Variants in RNMT observed in about 807,000 individuals in gnomAD.
RNMT encodes the protein RNA guanine-7 methyltransferase.
In RNMT, 27 loss-of-function variants were observed where a neutral mutation model predicts 56.0. The ratio of observed to expected loss-of-function variants is 0.48; its 90% CI spans 0.36 to 0.67. The LOEUF (loss-of-function observed/expected upper bound fraction) is 0.67, where lower values mean the gene tolerates loss of function less well. Ranked by LOEUF, RNMT falls within the 30% of genes least tolerant of loss-of-function variation. The pLI is 0.00. For missense variants in RNMT, 519 were observed against 552.1 expected (o/e 0.94, Z 0.60); for synonymous variants, 184 against 176.2 (o/e 1.04, Z -0.35).
In RNMT at chr18:13,760,892, CG is replaced by C. The variant is rs1272061749; in HGVS notation, c.*914del. The C allele has an allele frequency of 1.0e-6, 1 of 985,274 alleles. No individual in the cohort carries two copies. Among genetic ancestry groups the C allele is most frequent in the Admixed American group, 6.2e-5 (1 of 16,250 alleles). The allele number at this position is 985,274 out of a possible 1,614,324, so 61.0% of individuals were successfully genotyped here. A position where few individuals can be genotyped will look rare whatever the true frequency, so the allele number is the denominator to read the frequency against. ...CTGTTACAACCTCAGCACTTTGCACCGTAGGAGCCATTGTTAAAGTTGTCAC... is the reference window on the plus strand; with the variant it reads ...CTGTTACAACCTCAGCACTTTGCACCTAGGAGCCATTGTTAAAGTTGTCAC... On this transcript the variant is annotated 3_prime_UTR_variant, in exon 12 of 12. Coordinates refer to ENST00000383314, the MANE Select transcript of RNMT (RefSeq NM_003799.3).
chr18:13,752,168 T>C, intron 9 of RNMT, 158 bp from the exon 10 acceptor site: 1 of 577,296 alleles, frequency 1.7e-6, no homozygotes, highest in Non-Finnish European at 3.0e-6. Flanking sequence ...TCCTTTTTTT[T>C]AATTTTTTTC....
intron 11 of RNMT, among the ~76,000 whole-genome samples, chr18:13,756,560 T>A (rs2044546933): frequency 6.6e-6 from 1 of 152,178 alleles, no homozygotes; most frequent in East Asian, 1.9e-4. Context: ...CTGCTTTGTC[T>A]CCTTACCTTC....
At chr18:13,753,371 A>G (rs960032711) in intron 10 of RNMT, among the ~76,000 whole-genome samples, 1 of 152,156 alleles carries the variant, frequency 6.6e-6, no homozygotes, top group African/African-American at 2.4e-5. Flanking sequence ...AGGCTGAGGC[A>G]GGAGAATGGG....
chr18:13,756,753 A>C (rs1314038038), intron 11 of RNMT, among the ~76,000 whole-genome samples: 6 of 152,202 alleles, frequency 3.9e-5, no homozygotes, highest in Non-Finnish European at 7.4e-5. Context: ...AAGAAGCTGG[A>C]GTCTTGGGAG....
intron 3 of RNMT, among the ~76,000 whole-genome samples, chr18:13,732,241 G>A (rs2044083107): frequency 6.6e-6 from 1 of 152,034 alleles, no homozygotes; most frequent in Non-Finnish European, 1.5e-5. Flanking sequence ...TGTCGCCCAG[G>A]CTGGAGTGTG....
Position 13,737,049 on chromosome 18 carries a change from A to G in RNMT, c.593A>G (p.Asp198Gly), listed in dbSNP as rs114980013. The G allele has an allele frequency of 3.1e-6, 5 of 1,613,582 alleles. No homozygotes were observed. In the African/African-American group the frequency reaches 4.0e-5, roughly 13 times the overall value. The change falls in exon 5 of 12, where the codon GAT becomes GGT. Residue 198 changes from aspartate (D) to glycine (G), a missense_variant. Asp to Gly is a moderately conservative substitution (Grantham distance 94). Transcript: ENST00000383314. ...AAGGTACGACAGAAGAAAAAACGTGATATCACTGTTTTGGACCTGGGATGT... is the reference window on the plus strand; with the variant it reads ...AAGGTACGACAGAAGAAAAAACGTGGTATCACTGTTTTGGACCTGGGATGT... ...LEKVRQKKKRDITVLDLGCGK... is the reference protein window; with the variant it reads ...LEKVRQKKKRGITVLDLGCGK...
intron 9 of RNMT, among the ~76,000 whole-genome samples, chr18:13,747,997 T>A (rs2044380294): frequency 6.6e-6 from 1 of 152,220 alleles, no homozygotes; most frequent in Admixed American, 6.5e-5. Context: ...TTGTGTAATG[T>A]ATGTCAAAAT....
chr18:13,759,147 C>T (rs7234748), intron 11 of RNMT, among the ~76,000 whole-genome samples: 16,081 of 152,114 alleles, frequency 0.11, 935 homozygotes, highest in South Asian at 0.15. Context: ...CAAGAATTAC[C>T]GTAATGTGAC....
At chr18:13,743,710 G>A (rs2044297653) in intron 8 of RNMT, among the ~76,000 whole-genome samples, 1 of 151,782 alleles carries the variant, frequency 6.6e-6, no homozygotes. Context: ...AAAATCTTTT[G>A]TTTTGAATAT....
At chr18:13,737,519 AGT>A (rs2149088396) in intron 5 of RNMT, among the ~76,000 whole-genome samples, 1 of 152,032 alleles carries the variant, frequency 6.6e-6, no homozygotes, top group East Asian at 1.9e-4. Flanking sequence ...CACCAGCCTG[AGT>A]GACAGAGCAA....
chr18:13,726,935 C>T (rs1441670427), intron 1 of RNMT: 1 of 152,394 alleles, frequency 6.6e-6, no homozygotes, highest in Non-Finnish European at 1.5e-5. Context: ...GGGCGCTGTT[C>T]CTCCTCCAGA....
chr18:13,747,910 G>A (rs1047141900), intron 9 of RNMT, among the ~76,000 whole-genome samples: 7 of 152,150 alleles, frequency 4.6e-5, no homozygotes, highest in Non-Finnish European at 8.8e-5. Context: ...TTAGCATATT[G>A]CCTTTATTTG....
At chr18:13,740,001 A>G (rs2044226231) in intron 5 of RNMT, among the ~76,000 whole-genome samples, 166 bp from the exon 6 acceptor site, 1 of 152,196 alleles carries the variant, frequency 6.6e-6, no homozygotes, top group African/African-American at 2.4e-5. Context: ...GAAAACTGAT[A>G]GGGTATTTGC....
rs947615827 is a variant in RNMT, at chr18:13,761,781, C to T, written c.*1802C>T. 3.7e-5 allele frequency: 46 copies of T among 1,256,606 alleles called. No individual in the cohort carries two copies. The South Asian group carries it at 7.6e-4, about 21-fold the overall frequency. 77.8% of individuals were successfully genotyped at this position (1,256,606 alleles called of 1,614,324 possible). The stretch of plus-strand genomic sequence containing the variant: ...CACCTGCAGGCGCTGTGTTCAGGCA[C>T]CACCTTCCTCCTTGAGCTTTGCCTG... On this transcript the variant is annotated 3_prime_UTR_variant, in exon 12 of 12. Transcript: ENST00000383314.
At chr18:13,746,683 C>T (rs1480037531) in intron 9 of RNMT, among the ~76,000 whole-genome samples, 1 of 152,208 alleles carries the variant, frequency 6.6e-6, no homozygotes, top group Non-Finnish European at 1.5e-5. Context: ...CACTAGATGC[C>T]TTCCAGTAAC....
At chr18:13,728,630 C>G (rs546485079) in intron 1 of RNMT, among the ~76,000 whole-genome samples, 1 of 152,052 alleles carries the variant, frequency 6.6e-6, no homozygotes, top group African/African-American at 2.4e-5. Context: ...GCCACCGTGA[C>G]GGCCTCAGCA....
intron 1 of RNMT, among the ~76,000 whole-genome samples, chr18:13,728,621 C>T (rs981174850): frequency 6.6e-6 from 1 of 152,064 alleles, no homozygotes; most frequent in Non-Finnish European, 1.5e-5. Flanking sequence ...CAGGTGTGAG[C>T]CACCGTGACG....
chr18:13,738,859 G>T (rs957594173), intron 5 of RNMT, among the ~76,000 whole-genome samples: 1 of 152,118 alleles, frequency 6.6e-6, no homozygotes, highest in Admixed American at 6.5e-5. Context: ...GGCACCAGGG[G>T]CCGGTTTCAT....
intron 4 of RNMT, among the ~76,000 whole-genome samples, chr18:13,735,681 TA>T (rs1398525551): frequency 6.6e-6 from 1 of 152,186 alleles, no homozygotes; most frequent in African/African-American, 2.4e-5. Context: ...TTTTATTGAA[TA>T]ACTTTTTCGA....
Sources: gnomAD v4.1 joint callset for allele counts (sites outside exome capture counted in the v4.1 genomes callset) on GRCh38, gnomAD v4.1.1 for gene constraint, MANE v1.5 for transcripts, NCBI Gene and HGNC (gene_info 2026-07-23, HGNC 2026-07-21) for gene names.